ABHD18: variants seen among roughly 807,000 people sequenced by gnomAD.
The protein encoded by ABHD18 is cardiolipin-specific deacylase, mitochondrial.
Under a neutral mutation model 65.9 loss-of-function variants are expected in ABHD18, and 55 were observed. That is an observed-to-expected ratio of 0.84 (90% confidence interval 0.67 to 1.05). The LOEUF (loss-of-function observed/expected upper bound fraction) is 1.05. Ranked by LOEUF, ABHD18 falls within the 50% of genes least tolerant of loss-of-function variation. The pLI is 0.00. For synonymous variants in ABHD18, 181 were observed against 180.2 expected (o/e 1.00, Z -0.04); for missense variants, 533 against 558.5 (o/e 0.95, Z 0.46).
In ABHD18 at chr4:128,001,877, T is replaced by C. The variant is rs1251988644; in HGVS notation, c.279-7043T>C. ...TTTTTTAATTCCTTGTGCCTGCCAC[T>C]CAGAAGACCCTTTCAGTTTGAAAAA... On this transcript the variant is annotated intron_variant, in intron 4 of 12. Coordinates refer to ENST00000645843, the MANE Select transcript of ABHD18 (RefSeq NM_001358451.3). 9.6e-6 allele frequency: 11 copies of C among 1,142,804 alleles called. No homozygotes were observed. In the Admixed American group the frequency reaches 1.9e-4, roughly 20 times the overall value. The allele number at this position is 1,142,804 out of a possible 1,614,324, so 70.8% of individuals were successfully genotyped here.
intron 4 of ABHD18, among the ~76,000 whole-genome samples, chr4:127,990,607 G>A (rs998106225): frequency 1.3e-5 from 2 of 151,986 alleles, no homozygotes; most frequent in African/African-American, 4.8e-5. Flanking sequence ...CAATGTACAT[G>A]TGTTGATTTT....
chr4:128,010,959 G>A (rs919167902), intron 6 of ABHD18, among the ~76,000 whole-genome samples: 12 of 150,044 alleles, frequency 8.0e-5, no homozygotes, highest in Non-Finnish European at 3.0e-5. Context: ...ATGTTAATAT[G>A]GTTGTCTGTA....
At chr4:128,028,419 G>A in intron 10 of ABHD18, 56 bp from the exon 11 acceptor site, 1 of 1,242,388 alleles carries the variant, frequency 8.0e-7, no homozygotes, top group Non-Finnish European at 1.1e-6. Flanking sequence ...TTTTGACAAA[G>A]CTGTTAATAC....
At chr4:128,018,899 A>G (rs1479983831) in intron 8 of ABHD18, among the ~76,000 whole-genome samples, 1 of 151,458 alleles carries the variant, frequency 6.6e-6, no homozygotes, top group Non-Finnish European at 1.5e-5. Context: ...CTGTAATCCC[A>G]GCTACTCAGG....
chr4:128,009,251 C>A, intron 6 of ABHD18, 60 bp downstream of exon 6: 1 of 1,117,860 alleles, frequency 8.9e-7, no homozygotes, highest in Non-Finnish European at 1.2e-6. Flanking sequence ...TATATTTAGT[C>A]ATCAAAAGGA....
At chr4:128,014,175 G>A (rs1755083137) in intron 7 of ABHD18, among the ~76,000 whole-genome samples, 1 of 151,550 alleles carries the variant, frequency 6.6e-6, no homozygotes, top group African/African-American at 2.4e-5. Flanking sequence ...TAGAGACAGG[G>A]TTTCTCCATG....
intron 2 of ABHD18, 50 bp from the exon 3 acceptor site, chr4:127,984,289 G>C: frequency 9.4e-7 from 1 of 1,059,438 alleles, no homozygotes; most frequent in South Asian, 1.4e-5. Flanking sequence ...GTGCTTAGTA[G>C]GTGATATAAA....
chr4:128,026,056 A>G (rs997696668), intron 10 of ABHD18, among the ~76,000 whole-genome samples: 2 of 152,166 alleles, frequency 1.3e-5, no homozygotes, highest in Admixed American at 6.6e-5. Context: ...TGAGAGGCCA[A>G]GGCTGGCAGA....
At position 127,984,410 on chromosome 4, in the gene ABHD18, T is replaced by G; in HGVS notation, c.164T>G (p.Val55Gly). 1 of 1,536,502 alleles carries G rather than the reference T, an allele frequency of 6.5e-7. No individual in the cohort carries two copies. ...AATCTGGTTTCAAGCGATTATCCAG[T>G]ACACATTGATAAGGTATTCAAATGA... The part of the protein sequence containing the change: ...CQNLVSSDYP[V>G]HIDKIEEQSD... Residue 55 changes from valine (V) to glycine (G), a missense_variant, in exon 3 of 13, where the codon GTA becomes GGA. Around this residue, in one of 3 missense-constraint regions of ABHD18, gnomAD observed 309 missense variants for 313.5 expected, o/e 0.99. Coordinates refer to ENST00000645843, the MANE Select transcript of ABHD18 (RefSeq NM_001358451.3).
At chr4:127,999,442 T>C (rs1752307775) in intron 4 of ABHD18, among the ~76,000 whole-genome samples, 2 of 152,186 alleles carry the variant, frequency 1.3e-5, no homozygotes, top group Admixed American at 6.5e-5. Flanking sequence ...ACATATTAGC[T>C]AAAGCACTCA....
intron 4 of ABHD18, among the ~76,000 whole-genome samples, chr4:128,000,012 A>G (rs942817743): frequency 1.3e-5 from 2 of 152,220 alleles, no homozygotes; most frequent in African/African-American, 2.4e-5. Context: ...GTGACAAACA[A>G]GAGAAGAGAG....
At position 127,984,331 on chromosome 4, in the gene ABHD18, C is replaced by A; in HGVS notation, c.93-8C>A. On this transcript the variant is annotated splice_polypyrimidine_tract_variant and splice_region_variant and intron_variant, in intron 2 of 12. Coordinates refer to ENST00000645843, the MANE Select transcript of ABHD18 (RefSeq NM_001358451.3). ...ATTTTTTCCTTTTTGTCTTCTTTCCCATAATAGACTCTTTGAATTCAGAAA... is the reference window on the plus strand; with the variant it reads ...ATTTTTTCCTTTTTGTCTTCTTTCCAATAATAGACTCTTTGAATTCAGAAA... 1 of 1,534,406 alleles carries A rather than the reference C, an allele frequency of 6.5e-7. No individual in the cohort carries two copies. Among genetic ancestry groups the A allele is most frequent in the Non-Finnish European group, 8.8e-7 (1 of 1,133,474 alleles).
At position 128,036,752 on chromosome 4, in the gene ABHD18, A is replaced by C. The variant is rs1758914090; in HGVS notation, c.*939A>C. ...CGTCTCAAAATAATAATAATAACCA[A>C]AATGAGTGTTCTGCAGATAAAATGC... On this transcript the variant is annotated 3_prime_UTR_variant, in exon 13 of 13. Coordinates refer to ENST00000645843, the MANE Select transcript of ABHD18 (RefSeq NM_001358451.3). The C allele has an allele frequency of 6.6e-6, 1 of 151,944 alleles. No homozygotes were observed. Among genetic ancestry groups the C allele is most frequent in the Non-Finnish European group, 1.5e-5 (1 of 68,070 alleles). 9.4% of individuals were successfully genotyped at this position (151,944 alleles called of 1,614,324 possible).
intron 4 of ABHD18, among the ~76,000 whole-genome samples, chr4:128,003,893 A>G (rs1753118273): frequency 6.6e-6 from 1 of 151,204 alleles, no homozygotes; most frequent in Non-Finnish European, 1.5e-5. Flanking sequence ...GCAGTGAGCT[A>G]AGATCATGCC....
intron 4 of ABHD18, among the ~76,000 whole-genome samples, chr4:128,007,228 A>G (rs962957307): frequency 6.7e-6 from 1 of 149,852 alleles, no homozygotes; most frequent in Non-Finnish European, 1.5e-5. Context: ...CTGAGGTGGG[A>G]GGACTGCTTG....
intron 1 of ABHD18, among the ~76,000 whole-genome samples, chr4:127,977,561 C>T (rs1748191117): frequency 6.6e-6 from 1 of 152,068 alleles, no homozygotes; most frequent in South Asian, 2.1e-4. Flanking sequence ...AAAGCTTAAT[C>T]CTATAAAGGT....
chr4:127,983,739 CCT>C (rs1749462628), intron 2 of ABHD18, among the ~76,000 whole-genome samples: 1 of 152,104 alleles, frequency 6.6e-6, no homozygotes. Context: ...GTGACGGGCA[CCT>C]GTAATCCTAG....
chr4:128,020,687 T>C (rs1756345492), intron 9 of ABHD18, among the ~76,000 whole-genome samples: 1 of 152,186 alleles, frequency 6.6e-6, no homozygotes, highest in Non-Finnish European at 1.5e-5. Context: ...AGCTGTTTAC[T>C]GGTCAAGTTC....
Position 128,028,597 on chromosome 4 carries a change from C to T in ABHD18, c.924C>T (p.Ser308=), listed in dbSNP as rs372964044. The T allele has an allele frequency of 1.1e-5, 18 of 1,613,644 alleles. No individual in the cohort carries two copies. Among genetic ancestry groups the T allele is most frequent in the South Asian group, 4.4e-5 (4 of 91,064 alleles). The change falls in exon 11 of 13, where the codon TCC becomes TCT. Residue 308 remains serine (S), a synonymous_variant. Coordinates refer to ENST00000645843, the MANE Select transcript of ABHD18 (RefSeq NM_001358451.3). ...LNLDISNQVV[S]QKPADCHNSS... ...TAGATATATCAAACCAAGTTGTATCCCAAAAACCTGCTGACTGCCATAATT... is the reference window on the plus strand; with the variant it reads ...TAGATATATCAAACCAAGTTGTATCTCAAAAACCTGCTGACTGCCATAATT...
Sources: allele counts gnomAD v4.1 joint callset (sites outside exome capture counted in the v4.1 genomes callset), GRCh38; gene constraint gnomAD v4.1.1; regional missense constraint gnomAD v4.1.1; transcripts MANE v1.5; gene names NCBI Gene and HGNC (gene_info 2026-07-23, HGNC 2026-07-21).